HNF4G: variants seen among roughly 807,000 people sequenced by gnomAD.
The protein encoded by HNF4G is hepatocyte nuclear factor 4 gamma.
HNF4G carries 21 observed loss-of-function variants against 50.9 expected under a neutral mutation model. The ratio of observed to expected loss-of-function variants is 0.41; its 90% confidence interval spans 0.29 to 0.59. The LOEUF (loss-of-function observed/expected upper bound fraction) is 0.59. Among genes scored for constraint, HNF4G ranks in the 20% least tolerant of loss-of-function variants. The pLI, the probability that HNF4G is intolerant of heterozygous loss-of-function variation, is 0.26. For missense variants in HNF4G, 527 were observed against 559.4 expected (o/e 0.94, Z 0.58); for synonymous variants, 198 against 185.6 (o/e 1.07, Z -0.54).
intron 1 of HNF4G, among the ~76,000 whole-genome samples, chr8:75,489,873 T>C (rs1812582563): frequency 6.6e-6 from 1 of 152,234 alleles, no homozygotes; most frequent in African/African-American, 2.4e-5. Context: ...TCATGTTGAC[T>C]TGTTGTTCTG....
upstream of HNF4G, among the ~76,000 whole-genome samples, chr8:75,538,692 A>T (rs1806533554): frequency 6.6e-6 from 1 of 152,200 alleles, no homozygotes; most frequent in South Asian, 2.1e-4. Context: ...CCAACATATT[A>T]TCTTCACAAT....
At chr8:75,531,429 A>G (rs1806323467) in intron 2 of HNF4G, among the ~76,000 whole-genome samples, 1 of 152,204 alleles carries the variant, frequency 6.6e-6, no homozygotes, top group Non-Finnish European at 1.5e-5. Flanking sequence ...TTTACAAAAT[A>G]TAGAGGTTAA....
chr8:75,539,136 A>G (rs1255739175), upstream of HNF4G, among the ~76,000 whole-genome samples: 3 of 125,720 alleles, frequency 2.4e-5, no homozygotes, highest in Admixed American at 2.3e-4. Context: ...GATGATAGGA[A>G]TATGTAGATC....
intron 5 of HNF4G, among the ~76,000 whole-genome samples, chr8:75,554,655 G>T (rs567903523): frequency 5.9e-5 from 9 of 152,254 alleles, no homozygotes; most frequent in Admixed American, 5.2e-4. Context: ...TTTAGGAACT[G>T]TGGGTATTTA....
At chr8:75,547,415 C>T (rs1248465688) in intron 2 of HNF4G, among the ~76,000 whole-genome samples, 172 bp from the exon 3 acceptor site, 1 of 152,214 alleles carries the variant, frequency 6.6e-6, no homozygotes, top group African/African-American at 2.4e-5. Context: ...GTGAGGCTCG[C>T]GTTTTCACGC....
chr8:75,499,499 TTG>T (rs1378738159), intron 2 of HNF4G, among the ~76,000 whole-genome samples: 1 of 151,992 alleles, frequency 6.6e-6, no homozygotes, highest in East Asian at 1.9e-4. Context: ...AAAATTCCAG[TTG>T]TCTTTTTTTT....
chr8:75,420,419 G>C (rs767672590), intron 1 of HNF4G, among the ~76,000 whole-genome samples: 1 of 152,132 alleles, frequency 6.6e-6, no homozygotes, highest in Non-Finnish European at 1.5e-5. Context: ...TCTTTCTTGC[G>C]GCCTATGAGG....
intron 1 of HNF4G, among the ~76,000 whole-genome samples, chr8:75,464,478 A>G (rs79456033): frequency 0.064 from 9,717 of 151,758 alleles, 344 homozygotes; most frequent in Non-Finnish European, 0.066. Flanking sequence ...ATTGTCTCAG[A>G]TTTTTTCCCC....
At chr8:75,462,431 G>A (rs1251838954) in intron 1 of HNF4G, among the ~76,000 whole-genome samples, 1 of 152,110 alleles carries the variant, frequency 6.6e-6, no homozygotes, top group Non-Finnish European at 1.5e-5. Context: ...GTGGATTCAG[G>A]ACAAAGGAAT....
intron 2 of HNF4G, among the ~76,000 whole-genome samples, chr8:75,498,639 C>T (rs1812844317): frequency 6.6e-6 from 1 of 151,678 alleles, no homozygotes; most frequent in Admixed American, 6.6e-5. Context: ...AATATAAGTG[C>T]AAAAAATCCT....
At chr8:75,461,474 T>C (rs1254675924) in intron 1 of HNF4G, among the ~76,000 whole-genome samples, 1 of 152,200 alleles carries the variant, frequency 6.6e-6, no homozygotes, top group Non-Finnish European at 1.5e-5. Context: ...ACTTAGATAA[T>C]CCAGGACAAT....
intron 1 of HNF4G, among the ~76,000 whole-genome samples, chr8:75,468,864 T>C (rs1433381214): frequency 3.9e-5 from 6 of 152,060 alleles, no homozygotes. Flanking sequence ...ATTATGATTT[T>C]ATGGGAAACC....
Position 75,540,851 on chromosome 8 carries a change from A to ATGTGTGTGTGTGTGTG in HNF4G, c.118+787_118+802dup, listed in dbSNP as rs56799230. ...ATTATGTATACTTTGGAAAATGTGT[A>ATGTGTGTGTGTGTGTG]TGTGTGTGTGTGTGTGTGTGTGTGT... On this transcript the variant is annotated intron_variant, in intron 1 of 9. Transcript: ENST00000396423. Among the ~76,000 whole-genome samples, 1,387 of 146,450 alleles carry ATGTGTGTGTGTGTGTG rather than the reference A, an allele frequency of 9.5e-3. 9 individuals are homozygous for ATGTGTGTGTGTGTGTG. Among genetic ancestry groups the ATGTGTGTGTGTGTGTG allele is most frequent in the Middle Eastern group, 0.059 (17 of 288 alleles).
intron 1 of HNF4G, among the ~76,000 whole-genome samples, chr8:75,445,736 GT>G (rs1262180122): frequency 7.0e-6 from 1 of 143,696 alleles, no homozygotes; most frequent in Non-Finnish European, 1.5e-5. Flanking sequence ...CCAGGAAGAA[GT>G]TGAATCTCTG....
intron 1 of HNF4G, among the ~76,000 whole-genome samples, chr8:75,422,758 T>A (rs1421885644): frequency 6.6e-6 from 1 of 151,972 alleles, no homozygotes; most frequent in East Asian, 1.9e-4. Context: ...CTCAGCCTCC[T>A]GAGTAGCTGG....
chr8:75,540,348 A>C (rs921831380), intron 1 of HNF4G, among the ~76,000 whole-genome samples: 3 of 152,176 alleles, frequency 2.0e-5, no homozygotes, highest in Non-Finnish European at 4.4e-5. Context: ...GACAGGTAAA[A>C]AGAGTAGTCT....
At chr8:75,533,783 T>C (rs996182015) in intron 2 of HNF4G, among the ~76,000 whole-genome samples, 2 of 151,894 alleles carry the variant, frequency 1.3e-5, no homozygotes, top group Non-Finnish European at 2.9e-5. Context: ...CAATCAAATA[T>C]CACATTAAAA....
In HNF4G at chr8:75,553,099, A is replaced by G. The variant is rs371098188; in HGVS notation, c.547A>G (p.Ile183Val). 6.8e-6 allele frequency: 11 copies of G among 1,612,668 alleles called. No homozygotes were observed. The highest frequency in any genetic ancestry group is 9.3e-6 in the Non-Finnish European group (11 of 1,179,068). ...TDINVKKIAS[I>V]GDVCESMKQQ... Reference sequence around the variant, plus strand: ...CATAAACGTTAAGAAAATTGCAAGTATTGGTGATGTCTGTGAATCTATGAA... The same window carrying G: ...CATAAACGTTAAGAAAATTGCAAGTGTTGGTGATGTCTGTGAATCTATGAA... The change falls in exon 5 of 10, where the codon ATT becomes GTT. Residue 183 changes from isoleucine to valine, a missense_variant. Coordinates refer to ENST00000396423, the MANE Select transcript of HNF4G (RefSeq NM_004133.5).
intron 1 of HNF4G, among the ~76,000 whole-genome samples, chr8:75,409,649 C>T (rs1008832652): frequency 4.0e-5 from 6 of 151,646 alleles, no homozygotes; most frequent in Admixed American, 1.3e-4. Context: ...CCACCACACC[C>T]GGCTGATTTT....
Sources: gnomAD v4.1 joint callset for allele counts (sites outside exome capture counted in the v4.1 genomes callset) on GRCh38, gnomAD v4.1.1 for gene constraint, MANE v1.5 for transcripts, NCBI Gene and HGNC (gene_info 2026-07-23, HGNC 2026-07-21) for gene names.